Variants in ANKRD33B observed in about 807,000 individuals in gnomAD.
The protein encoded by ANKRD33B is ankyrin repeat domain 33B.
ANKRD33B carries 6 observed loss-of-function variants against 21.5 expected under a neutral mutation model. The observed-to-expected ratio is 0.28, with a 90% CI of 0.15 to 0.55. The LOEUF is 0.55. Ranked by LOEUF, ANKRD33B falls within the 20% of genes least tolerant of loss-of-function variation. ANKRD33B has a pLI of 0.94. For synonymous variants in ANKRD33B, 347 were observed against 342.4 expected, an observed-to-expected ratio of 1.01 and a Z score of -0.15; for missense variants, 698 against 747.2, an observed-to-expected ratio of 0.93 and a Z score of 0.77.
intron 1 of ANKRD33B, among the ~76,000 whole-genome samples, chr5:10,568,957 T>G (rs979153296): frequency 1.3e-5 from 2 of 152,224 alleles, no homozygotes; most frequent in Non-Finnish European, 1.5e-5. Context: ...CCCTTTACTC[T>G]TGAGGTGCTT....
intron 1 of ANKRD33B, among the ~76,000 whole-genome samples, chr5:10,609,769 C>A (rs975596721): frequency 6.6e-6 from 1 of 152,072 alleles, no homozygotes; most frequent in East Asian, 1.9e-4. Flanking sequence ...ATTAGCCAGG[C>A]ATGGTGGCAG....
At chr5:10,566,770 TC>T (rs1735073993) in intron 1 of ANKRD33B, among the ~76,000 whole-genome samples, 2 of 152,150 alleles carry the variant, frequency 1.3e-5, no homozygotes, top group African/African-American at 4.8e-5. Context: ...AGCTCCAGCC[TC>T]CCAGCAGCTC....
intron 1 of ANKRD33B, among the ~76,000 whole-genome samples, chr5:10,604,255 G>T (rs1332432105): frequency 2.9e-5 from 4 of 137,948 alleles, no homozygotes; most frequent in African/African-American, 1.1e-4. Flanking sequence ...ACAGTGGCGT[G>T]ATCTCGGCTC....
At chr5:10,633,887 C>T (rs2126596044) in intron 2 of ANKRD33B, among the ~76,000 whole-genome samples, 1 of 152,256 alleles carries the variant, frequency 6.6e-6, no homozygotes, top group Non-Finnish European at 1.5e-5. Flanking sequence ...GTCATGTTAG[C>T]AGATTTCTCC....
At chr5:10,626,588 T>C (rs967449955) in intron 2 of ANKRD33B, among the ~76,000 whole-genome samples, 3 of 152,202 alleles carry the variant, frequency 2.0e-5, no homozygotes, top group African/African-American at 7.2e-5. Flanking sequence ...CAGGGTTGCT[T>C]CACTGAGTAG....
rs1737309541 is a variant in ANKRD33B, at chr5:10,650,140, G to C, written c.*27G>C. 4 of 744,612 alleles carry C rather than the reference G, an allele frequency of 5.4e-6. No homozygotes were observed. The highest frequency in any genetic ancestry group is 7.2e-6 in the Non-Finnish European group (4 of 556,118). 46.1% of individuals were successfully genotyped at this position (744,612 alleles called of 1,614,324 possible). A position where few individuals can be genotyped will look rare whatever the true frequency, so the allele number is the denominator to read the frequency against. ...GGCCCGTGTGCCTGGCGCTGGGGCC[G>C]GGGCTGGGGCCGGGGCGGGGCCGCA... On this transcript the variant is annotated 3_prime_UTR_variant, in exon 4 of 4. Transcript: ENST00000296657.
At chr5:10,582,582 G>T (rs1735466124) in intron 1 of ANKRD33B, among the ~76,000 whole-genome samples, 1 of 152,280 alleles carries the variant, frequency 6.6e-6, no homozygotes. Context: ...TCCCTGCAGG[G>T]CTCCTCCCAA....
chr5:10,649,741 C>T lies in ANKRD33B; in HGVS notation c.1113C>T (p.Thr371=), dbSNP rs1737288406. 8 of 1,465,294 alleles carry T rather than the reference C, an allele frequency of 5.5e-6. No homozygotes were observed. Among genetic ancestry groups the T allele is most frequent in the African/African-American group, 2.9e-5 (2 of 69,040 alleles). The allele number at this position is 1,465,294 out of a possible 1,614,324, so 90.8% of individuals were successfully genotyped here. Residue 371 remains threonine (T), a synonymous_variant, in exon 4 of 4, where the codon ACC becomes ACT. Coordinates refer to ENST00000296657, the MANE Select transcript of ANKRD33B (RefSeq NM_001164440.2). ...GGGGCGCGGGGCAGCGCGGGCGGAC[C>T]GGACAGGAGGACGCGGACTCCCGGG... ...EVGGAGQRGR[T]GQEDADSREG... is the part of the protein sequence containing the mutation.
chr5:10,627,784 G>T (rs549547304), intron 2 of ANKRD33B: 1 of 152,276 alleles, frequency 6.6e-6, no homozygotes, highest in Non-Finnish European at 1.5e-5. Context: ...GGTGAGTCTC[G>T]GTTTCCCAGC....
At chr5:10,647,215 C>T (rs1737208615) in intron 3 of ANKRD33B, among the ~76,000 whole-genome samples, 1 of 152,072 alleles carries the variant, frequency 6.6e-6, no homozygotes, top group South Asian at 2.1e-4. Flanking sequence ...AGCGATTCTC[C>T]TGCCTCAGCC....
chr5:10,630,715 A>G (rs1457476709), intron 2 of ANKRD33B, among the ~76,000 whole-genome samples: 4 of 152,160 alleles, frequency 2.6e-5, no homozygotes, highest in Admixed American at 1.3e-4. Flanking sequence ...ATGTAGAAAT[A>G]TAGTTGGACA....
chr5:10,582,317 G>A (rs1209928725), intron 1 of ANKRD33B, among the ~76,000 whole-genome samples: 1 of 152,096 alleles, frequency 6.6e-6, no homozygotes, highest in East Asian at 1.9e-4. Context: ...CTGTCCCTGC[G>A]TTTCTGGCTG....
intron 2 of ANKRD33B, among the ~76,000 whole-genome samples, chr5:10,618,879 C>T (rs1250606031): frequency 2.0e-5 from 3 of 152,168 alleles, no homozygotes; most frequent in Non-Finnish European, 4.4e-5. Flanking sequence ...TTGCACTTCA[C>T]CTGTAGAGTT....
At chr5:10,589,011 G>T (rs1294370662) in intron 1 of ANKRD33B, among the ~76,000 whole-genome samples, 1 of 152,074 alleles carries the variant, frequency 6.6e-6, no homozygotes, top group Non-Finnish European at 1.5e-5. Flanking sequence ...CAGTCTTCAC[G>T]CAGCTCCTGT....
In ANKRD33B at chr5:10,599,270, T is replaced by G. The variant is rs79174012; in HGVS notation, c.367-19063T>G. Among the ~76,000 whole-genome samples, 992 of 152,316 alleles carry G rather than the reference T, an allele frequency of 6.5e-3. 9 individuals carry two copies. The highest frequency in any genetic ancestry group is 0.022 in the African/African-American group (935 of 41,576). ...TTTTTCTTTCCATAGTTAACAACTT[T>G]ATTGACAATTCATCCATTAAAGTAT... On this transcript the variant is annotated intron_variant, in intron 1 of 3. Transcript: ENST00000296657.
chr5:10,578,029 A>G (rs1468862865), intron 1 of ANKRD33B, among the ~76,000 whole-genome samples: 1 of 152,196 alleles, frequency 6.6e-6, no homozygotes, highest in East Asian at 1.9e-4. Context: ...GAGTGGGGAA[A>G]GGGGCAGTGC....
At chr5:10,578,212 A>C (rs1383008613) in intron 1 of ANKRD33B, among the ~76,000 whole-genome samples, 1 of 152,200 alleles carries the variant, frequency 6.6e-6, no homozygotes, top group Non-Finnish European at 1.5e-5. Context: ...TTTAGCACTG[A>C]AAATCCTGTA....
chr5:10,647,631 A>G (rs1266549990), intron 3 of ANKRD33B, among the ~76,000 whole-genome samples: 2 of 152,312 alleles, frequency 1.3e-5, no homozygotes, highest in East Asian at 1.9e-4. Flanking sequence ...CTATCAGTCA[A>G]CCAATAGGAT....
chr5:10,572,252 CTGG>C (rs2126545212), intron 1 of ANKRD33B, among the ~76,000 whole-genome samples: 1 of 152,296 alleles, frequency 6.6e-6, no homozygotes, highest in African/African-American at 2.4e-5. Flanking sequence ...CTGACAATCA[CTGG>C]TGCAGACTCT....
Sources: gnomAD v4.1 joint callset for allele counts (sites outside exome capture counted in the v4.1 genomes callset) on GRCh38, gnomAD v4.1.1 for gene constraint, MANE v1.5 for transcripts, NCBI Gene and HGNC (gene_info 2026-07-23, HGNC 2026-07-21) for gene names.